Variants in SHISAL1 observed in about 807,000 individuals in gnomAD.
SHISAL1 encodes the protein shisa like 1.
In SHISAL1, 9 loss-of-function variants were observed where a neutral mutation model predicts 22.6. The observed-to-expected ratio is 0.40, with a 90% confidence interval of 0.24 to 0.70. The LOEUF is 0.70. SHISAL1 is among the 30% of genes least tolerant of loss of function. The pLI is 0.39. For synonymous variants in SHISAL1, 119 were observed against 115.4 expected (o/e 1.03, Z -0.20); for missense variants, 246 against 270.6 (o/e 0.91, Z 0.64).
intron 4 of SHISAL1, among the ~76,000 whole-genome samples, chr22:44,264,600 G>A (rs1351027964): frequency 6.6e-6 from 1 of 152,194 alleles, no homozygotes; most frequent in East Asian, 1.9e-4. Flanking sequence ...GGGCACCTCG[G>A]GCATGGCATG....
intron 3 of SHISAL1, among the ~76,000 whole-genome samples, chr22:44,293,437 G>A (rs1173077589): frequency 6.6e-6 from 1 of 152,192 alleles, no homozygotes; most frequent in East Asian, 1.9e-4. Flanking sequence ...GGTGCACCGG[G>A]TCAGTGGAGG....
chr22:44,256,189 A>AC (rs2055083310), intron 4 of SHISAL1, among the ~76,000 whole-genome samples: 2 of 112,820 alleles, frequency 1.8e-5, no homozygotes, highest in Non-Finnish European at 3.4e-5. Flanking sequence ...GGGTCTCAGG[A>AC]CTGGAACTCA....
chr22:44,273,983 T>G (rs1305861157), intron 4 of SHISAL1, among the ~76,000 whole-genome samples: 2 of 152,106 alleles, frequency 1.3e-5, no homozygotes, highest in Non-Finnish European at 2.9e-5. Flanking sequence ...TTTGGGAGGC[T>G]GAGGCAGGTG....
chr22:44,279,877 A>G (rs2055264292), intron 4 of SHISAL1, among the ~76,000 whole-genome samples: 1 of 152,094 alleles, frequency 6.6e-6, no homozygotes, highest in South Asian at 2.1e-4. Flanking sequence ...TCCTAGGCCT[A>G]CCCCATCATT....
At chr22:44,313,420 C>G (rs1306458209), upstream of SHISAL1, among the ~76,000 whole-genome samples, 2 of 152,210 alleles carry the variant, frequency 1.3e-5, no homozygotes, top group Non-Finnish European at 2.9e-5. Flanking sequence ...CGAGAGCCCA[C>G]AGAGGGTGTG....
intron 4 of SHISAL1, among the ~76,000 whole-genome samples, chr22:44,251,479 G>A (rs2055047159): frequency 6.6e-6 from 1 of 152,172 alleles, no homozygotes; most frequent in Admixed American, 6.5e-5. Flanking sequence ...GTGGATGGAT[G>A]GCAGTGATGG....
chr22:44,264,556 G>A (rs576798140), intron 4 of SHISAL1, among the ~76,000 whole-genome samples: 151 of 152,294 alleles, frequency 9.9e-4, no homozygotes, highest in Middle Eastern at 3.4e-3. Flanking sequence ...GTGTCCTGAC[G>A]GATGTAGTCA....
At chr22:44,293,122 T>C (rs969914894) in intron 3 of SHISAL1, among the ~76,000 whole-genome samples, 4 of 152,172 alleles carry the variant, frequency 2.6e-5, no homozygotes, top group Admixed American at 6.5e-5. Flanking sequence ...AAAAGTGCTC[T>C]TTCCTCTGGG....
chr22:44,279,735 G>T (rs1185122400), intron 4 of SHISAL1, among the ~76,000 whole-genome samples: 1 of 152,216 alleles, frequency 6.6e-6, no homozygotes, highest in Non-Finnish European at 1.5e-5. Flanking sequence ...CAGGTGGCCT[G>T]AAGTCCCCAG....
At chr22:44,284,913 T>G (rs145398563) in intron 4 of SHISAL1, among the ~76,000 whole-genome samples, 14 of 138,770 alleles carry the variant, frequency 1.0e-4, no homozygotes, top group African/African-American at 3.4e-4. Flanking sequence ...CTTCCTTCCT[T>G]CCTTCCTTCC....
chr22:44,259,889 C>T (rs552678436), intron 4 of SHISAL1, among the ~76,000 whole-genome samples: 9 of 152,298 alleles, frequency 5.9e-5, no homozygotes, highest in Non-Finnish European at 1.2e-4. Context: ...CGTTTACCTC[C>T]TCTCCACCAG....
intron 4 of SHISAL1, among the ~76,000 whole-genome samples, chr22:44,269,939 A>G (rs1044717613): frequency 6.6e-6 from 1 of 152,032 alleles, no homozygotes; most frequent in African/African-American, 2.4e-5. Context: ...CTTGGGTCAG[A>G]CCTCTGAGTT....
intron 4 of SHISAL1, among the ~76,000 whole-genome samples, chr22:44,252,085 T>C (rs890447407): frequency 3.9e-5 from 6 of 152,080 alleles, no homozygotes; most frequent in Non-Finnish European, 7.3e-5. Context: ...AATCTAAAGA[T>C]TATGACCATC....
At chr22:44,282,765 G>A (rs2055285445) in intron 4 of SHISAL1, among the ~76,000 whole-genome samples, 1 of 152,202 alleles carries the variant, frequency 6.6e-6, no homozygotes, top group African/African-American at 2.4e-5. Flanking sequence ...CTTTCCAGGG[G>A]CTGATGAGTG....
intron 1 of SHISAL1, among the ~76,000 whole-genome samples, chr22:44,302,376 A>G (rs1381867889): frequency 6.6e-6 from 1 of 151,666 alleles, no homozygotes; most frequent in Non-Finnish European, 1.5e-5. Flanking sequence ...GGGAGGAGTT[A>G]AAGTAGTAAG....
the SHISAL1 span, among the ~76,000 whole-genome samples, chr22:44,322,258 C>T: frequency 4.0e-3 from 604 of 152,352 alleles, 4 homozygotes; most frequent in African/African-American, 0.014. Context: ...GATAGGGCTA[C>T]GGTGAGCAGG....
At chr22:44,263,015 T>C (rs1401981051) in intron 4 of SHISAL1, among the ~76,000 whole-genome samples, 1 of 151,668 alleles carries the variant, frequency 6.6e-6, no homozygotes, top group African/African-American at 2.4e-5. Flanking sequence ...GTTAGTTAGT[T>C]GGTGCTGACG....
At chr22:44,281,273 C>T (rs1046184059) in intron 4 of SHISAL1, among the ~76,000 whole-genome samples, 4 of 152,114 alleles carry the variant, frequency 2.6e-5, no homozygotes, top group African/African-American at 4.8e-5. Context: ...GGCCCTGAGT[C>T]GGGCTGAGGT....
In SHISAL1 at chr22:44,265,804, G is replaced by A. The variant is rs1469620495; in HGVS notation, c.*-16119C>T. On this transcript the variant is annotated intron_variant, in intron 4 of 4. Transcript: ENST00000381176. ...TCAGCTTGCACACCCCAGCGATGGG[G>A]AGCTCCCTGCTTACTGAGGCCAGCA... Among the ~76,000 whole-genome samples the A allele has an allele frequency of 6.6e-5, 10 of 152,208 alleles. 1 individual carries two copies. The South Asian group carries it at 1.4e-3, about 22-fold the overall frequency.
Sources: gnomAD v4.1 joint callset for allele counts (sites outside exome capture counted in the v4.1 genomes callset) on GRCh38, gnomAD v4.1.1 for gene constraint, MANE v1.5 for transcripts, NCBI Gene and HGNC (gene_info 2026-07-23, HGNC 2026-07-21) for gene names.